The following CNTNAP2 variants were observed in gnomAD, a reference collection of about 807,000 sequenced individuals.
CNTNAP2 encodes contactin-associated protein-like 2.
In CNTNAP2, 98 loss-of-function variants were observed where a neutral mutation model predicts 155.2. The ratio of observed to expected loss-of-function variants is 0.63; its 90% CI spans 0.54 to 0.75. The LOEUF is 0.75. CNTNAP2 is among the 30% of genes least tolerant of loss of function. CNTNAP2 has a pLI of 0.00. For missense variants in CNTNAP2, 1,727 were observed against 1,688.1 expected (o/e 1.02, Z -0.40); for synonymous variants, 651 against 631.2 (o/e 1.03, Z -0.47).
In CNTNAP2 at chr7:146,905,254, G is replaced by A. The variant is rs529631639; in HGVS notation, c.402+65350G>A. 9.9e-5 allele frequency among the ~76,000 whole-genome samples: 15 copies of A among 152,126 alleles called. No homozygotes were observed. In the South Asian group the frequency reaches 3.1e-3, roughly 32 times the overall value. On this transcript the variant is annotated intron_variant, in intron 3 of 23. Coordinates refer to ENST00000361727, the MANE Select transcript of CNTNAP2 (RefSeq NM_014141.6). ...GATCTTGGATGCCTCCTTAGCCTTT[G>A]AGGGATGTGAGGATTTCATCAGGAG...
At chr7:148,350,633 C>A (rs1217665652) in intron 21 of CNTNAP2, among the ~76,000 whole-genome samples, 2 of 152,166 alleles carry the variant, frequency 1.3e-5, no homozygotes, top group African/African-American at 4.8e-5. Flanking sequence ...TCAGAACCAA[C>A]CTTTCGTAGT....
At chr7:147,185,927 G>C (rs1802556698) in intron 8 of CNTNAP2, among the ~76,000 whole-genome samples, 1 of 152,104 alleles carries the variant, frequency 6.6e-6, no homozygotes, top group Non-Finnish European at 1.5e-5. Flanking sequence ...TTTGTCTGCT[G>C]CCATGTAAGA....
intron 9 of CNTNAP2, among the ~76,000 whole-genome samples, chr7:147,351,816 TAAA>T (rs1384868337): frequency 6.6e-6 from 1 of 151,862 alleles, no homozygotes. Flanking sequence ...AAAGAGCAGA[TAAA>T]GACTATATGA....
intron 15 of CNTNAP2, among the ~76,000 whole-genome samples, chr7:148,114,894 G>A (rs1228861798): frequency 6.6e-6 from 1 of 152,124 alleles, no homozygotes; most frequent in East Asian, 1.9e-4. Context: ...ATCACCCTTG[G>A]CACCTCCTGA....
intron 12 of CNTNAP2, among the ~76,000 whole-genome samples, chr7:147,575,855 A>G (rs1039146656): frequency 9.2e-5 from 14 of 151,824 alleles, no homozygotes; most frequent in Non-Finnish European, 1.8e-4. Context: ...ATTGTGTTTC[A>G]TTTATTCTTC....
intron 1 of CNTNAP2, among the ~76,000 whole-genome samples, chr7:146,223,482 G>A (rs1799241546): frequency 6.6e-6 from 1 of 152,154 alleles, no homozygotes; most frequent in Non-Finnish European, 1.5e-5. Context: ...GTGGACATGG[G>A]GAGGACTCAC....
intron 15 of CNTNAP2, among the ~76,000 whole-genome samples, chr7:147,993,468 G>A (rs1190063208): frequency 6.6e-6 from 1 of 152,182 alleles, no homozygotes; most frequent in Admixed American, 6.6e-5. Flanking sequence ...TTTGCCTGCA[G>A]AACTGACAGT....
rs553000540 is a variant in CNTNAP2 at position 147,451,599 on chromosome 7, T to C, written c.1671-34336T>C. 9.9e-5 allele frequency among the ~76,000 whole-genome samples: 15 copies of C among 152,224 alleles called. No individual in the cohort carries two copies. The South Asian group carries it at 2.1e-3, about 21-fold the overall frequency. On this transcript the variant is annotated intron_variant, in intron 10 of 23. Transcript: ENST00000361727. Reference sequence around the variant, plus strand: ...CAAGATCACGTAGCTAGAAACATACTGGACCCAGGATTGAAACCTGTGGTT... The same window carrying C: ...CAAGATCACGTAGCTAGAAACATACCGGACCCAGGATTGAAACCTGTGGTT...
intron 3 of CNTNAP2, among the ~76,000 whole-genome samples, chr7:146,844,096 A>G (rs1803797481): frequency 6.6e-6 from 1 of 152,092 alleles, no homozygotes; most frequent in Non-Finnish European, 1.5e-5. Flanking sequence ...TCATATGGAC[A>G]TTCCGAGTTA....
At chr7:148,247,655 A>ATTT (rs1444152586) in intron 20 of CNTNAP2, among the ~76,000 whole-genome samples, 14 of 128,048 alleles carry the variant, frequency 1.1e-4, no homozygotes, top group Admixed American at 7.8e-4. Flanking sequence ...TTATTTATTT[A>ATTT]TTTATTTATT....
Position 146,718,898 on chromosome 7 carries a change from C to T in CNTNAP2, c.98-55373C>T, listed in dbSNP as rs556327711. On this transcript the variant is annotated intron_variant, in intron 1 of 23. Coordinates refer to ENST00000361727, the MANE Select transcript of CNTNAP2 (RefSeq NM_014141.6). Reference sequence around the variant, plus strand: ...TAATATGCCAAAGTTAAGCATGCAACCTCGGTCTTCATGTTCACAAGTTGA... The same window carrying T: ...TAATATGCCAAAGTTAAGCATGCAATCTCGGTCTTCATGTTCACAAGTTGA... Among the ~76,000 whole-genome samples the T allele has an allele frequency of 3.3e-5, 5 of 152,196 alleles. No homozygotes were observed. In the South Asian group the frequency reaches 8.3e-4, roughly 25 times the overall value.
chr7:147,538,309 C>T (rs1799583066), intron 11 of CNTNAP2, among the ~76,000 whole-genome samples: 2 of 152,102 alleles, frequency 1.3e-5, no homozygotes, highest in African/African-American at 4.8e-5. Flanking sequence ...CAACTGTCTC[C>T]TAGAGTGATA....
At chr7:146,670,735 G>A (rs544096111) in intron 1 of CNTNAP2, among the ~76,000 whole-genome samples, 1 of 152,228 alleles carries the variant, frequency 6.6e-6, no homozygotes, top group East Asian at 1.9e-4. Flanking sequence ...TTCCAAGCCA[G>A]AGGGAGCAGT....
intron 1 of CNTNAP2, among the ~76,000 whole-genome samples, chr7:146,306,453 T>A (rs972880207): frequency 7.2e-5 from 11 of 152,202 alleles, no homozygotes; most frequent in Middle Eastern, 3.4e-3. Context: ...AAAAAGAGAA[T>A]TTTAGACCAA....
At chr7:146,117,196 G>A in intron 1 of CNTNAP2, 1 of 567,558 alleles carries the variant, frequency 1.8e-6, no homozygotes, top group South Asian at 2.2e-5. Flanking sequence ...CTGGAAAGTT[G>A]TTCCTGGTCT....
At chr7:146,945,209 C>T (rs1797138517) in intron 3 of CNTNAP2, among the ~76,000 whole-genome samples, 1 of 152,196 alleles carries the variant, frequency 6.6e-6, no homozygotes, top group African/African-American at 2.4e-5. Flanking sequence ...CTTTATCTAA[C>T]ATCTGTATCA....
chr7:148,413,402 ATATATATAT>A (rs1473508274), intron 23 of CNTNAP2, among the ~76,000 whole-genome samples: 544 of 39,422 alleles, frequency 0.014, 85 homozygotes, highest in African/African-American at 0.039. Flanking sequence ...CAAAAAAAAA[ATATATATAT>A]ATATATATAT....
chr7:147,921,908 G>A (rs768689724), intron 14 of CNTNAP2, among the ~76,000 whole-genome samples: 28 of 152,292 alleles, frequency 1.8e-4, no homozygotes, highest in Non-Finnish European at 3.2e-4. Context: ...GGAATTCAAT[G>A]GTGAGTAACG....
intron 3 of CNTNAP2, among the ~76,000 whole-genome samples, chr7:146,851,504 G>A (rs577660880): frequency 1.4e-4 from 22 of 152,202 alleles, no homozygotes; most frequent in Admixed American, 5.2e-4. Context: ...CTCTCTCACA[G>A]TTCTGGAGGC....
Sources: gnomAD v4.1 joint callset for allele counts (sites outside exome capture counted in the v4.1 genomes callset) on GRCh38, gnomAD v4.1.1 for gene constraint, MANE v1.5 for transcripts, NCBI Gene and HGNC (gene_info 2026-07-23, HGNC 2026-07-21) for gene names.